PDE7B: variants seen among roughly 807,000 people sequenced by gnomAD.
The protein encoded by PDE7B is 3',5'-cyclic-AMP phosphodiesterase 7B.
Under a neutral mutation model 56.2 loss-of-function variants are expected in PDE7B, and 29 were observed. The observed-to-expected ratio is 0.52, with a 90% confidence interval of 0.38 to 0.70. The LOEUF is 0.70. PDE7B is among the 30% of genes least tolerant of loss of function. PDE7B has a pLI of 0.00. For synonymous variants in PDE7B, 197 were observed against 196.9 expected (o/e 1.00, Z 0.00); for missense variants, 490 against 565.0 (o/e 0.87, Z 1.35).
At chr6:136,082,289 G>A (rs976442037) in intron 2 of PDE7B, among the ~76,000 whole-genome samples, 11 of 152,128 alleles carry the variant, frequency 7.2e-5, no homozygotes, top group East Asian at 3.9e-4. Flanking sequence ...CATTGCTGTC[G>A]CTGTTGCTCC....
At chr6:135,928,503 A>ATATATATATTTATATAT (rs1562442949) in intron 1 of PDE7B, among the ~76,000 whole-genome samples, 6 of 102,816 alleles carry the variant, frequency 5.8e-5, no homozygotes, top group African/African-American at 2.2e-4. Context: ...ATATATATTT[A>ATATATATATTTATATAT]TATATATATA....
At chr6:136,095,964 A>G (rs1429690187) in intron 2 of PDE7B, 1 of 152,246 alleles carries the variant, frequency 6.6e-6, no homozygotes. Context: ...TAACATGGGT[A>G]TAATATAATC....
chr6:136,091,183 C>T (rs749451256), intron 2 of PDE7B, among the ~76,000 whole-genome samples: 24 of 152,170 alleles, frequency 1.6e-4, no homozygotes, highest in Non-Finnish European at 3.4e-4. Context: ...ACTAGGGAAA[C>T]TGTAAAAAAT....
chr6:136,152,446 A>C (rs1358460181), intron 6 of PDE7B, among the ~76,000 whole-genome samples: 2 of 152,122 alleles, frequency 1.3e-5, no homozygotes, highest in African/African-American at 2.4e-5. Context: ...TATTATCACC[A>C]TTTGTCCCAT....
intron 1 of PDE7B, among the ~76,000 whole-genome samples, chr6:135,928,437 A>ATATATATTTATTTATATATATATATT (rs1774227419): frequency 8.9e-6 from 1 of 112,916 alleles, no homozygotes; most frequent in Non-Finnish European, 1.8e-5. Flanking sequence ...GATTATATAT[A>ATATATATTTATTTATATATATATATT]TATATATATA....
chr6:136,177,216 A>G (rs1778992170), intron 9 of PDE7B, among the ~76,000 whole-genome samples: 1 of 152,082 alleles, frequency 6.6e-6, no homozygotes, highest in Admixed American at 6.6e-5. Flanking sequence ...TAATCCTAGC[A>G]CTTTGGGAGG....
At chr6:135,957,724 A>AG (rs1180990086) in intron 2 of PDE7B, among the ~76,000 whole-genome samples, 2 of 152,182 alleles carry the variant, frequency 1.3e-5, no homozygotes, top group African/African-American at 2.4e-5. Context: ...TGATGAAGGT[A>AG]GACAAAATGT....
At chr6:136,157,710 G>A (rs1029325367) in intron 8 of PDE7B, among the ~76,000 whole-genome samples, 1 of 152,156 alleles carries the variant, frequency 6.6e-6, no homozygotes, top group Non-Finnish European at 1.5e-5. Flanking sequence ...GCAGATAGTT[G>A]CAGCGGGAAA....
intron 1 of PDE7B, among the ~76,000 whole-genome samples, chr6:135,906,819 T>TTC (rs1776119037): frequency 1.4e-5 from 2 of 145,186 alleles, no homozygotes; most frequent in South Asian, 4.5e-4. Flanking sequence ...TGTTTTTTTT[T>TTC]TTTTTTTTTT....
intron 2 of PDE7B, among the ~76,000 whole-genome samples, chr6:136,099,978 A>G (rs991387795): frequency 2.6e-5 from 4 of 152,210 alleles, no homozygotes; most frequent in Admixed American, 6.5e-5. Flanking sequence ...ATCCAGTTTC[A>G]GCTTTCTACA....
intron 2 of PDE7B, among the ~76,000 whole-genome samples, chr6:135,981,271 G>C (rs1161554320): frequency 9.7e-5 from 12 of 123,808 alleles, no homozygotes; most frequent in African/African-American, 2.7e-4. Context: ...ACATCACACT[G>C]TGGGGACTGT....
At chr6:135,892,258 G>T (rs553045176) in intron 1 of PDE7B, among the ~76,000 whole-genome samples, 2 of 152,204 alleles carry the variant, frequency 1.3e-5, no homozygotes, top group Non-Finnish European at 2.9e-5. Flanking sequence ...CTTGCTGAGA[G>T]CAGCTTAATT....
At chr6:135,950,689 T>G (rs1323749706) in intron 2 of PDE7B, among the ~76,000 whole-genome samples, 1 of 152,074 alleles carries the variant, frequency 6.6e-6, no homozygotes, top group Non-Finnish European at 1.5e-5. Flanking sequence ...TGTGTACTGG[T>G]TTCAGCACAG....
At chr6:136,086,997 C>T (rs1583873575) in intron 2 of PDE7B, among the ~76,000 whole-genome samples, 1 of 152,072 alleles carries the variant, frequency 6.6e-6, no homozygotes, top group Non-Finnish European at 1.5e-5. Flanking sequence ...AGAAAAGGGC[C>T]CTTGTTGTTT....
intron 2 of PDE7B, among the ~76,000 whole-genome samples, chr6:135,970,860 G>A (rs1775083451): frequency 6.6e-6 from 1 of 152,128 alleles, no homozygotes; most frequent in African/African-American, 2.4e-5. Flanking sequence ...AGGTAGAGCT[G>A]ATAATATTTG....
At chr6:135,920,440 C>T in intron 1 of PDE7B, among the ~76,000 whole-genome samples, 1 of 152,090 alleles carries the variant, frequency 6.6e-6, no homozygotes, top group East Asian at 1.9e-4. Context: ...TTTTCAACAT[C>T]TAGGTATACA....
chr6:136,163,734 ATCTC>A (rs1443006823), intron 8 of PDE7B, among the ~76,000 whole-genome samples: 1 of 152,212 alleles, frequency 6.6e-6, no homozygotes. Flanking sequence ...ACCCTAAATC[ATCTC>A]TCTCAAGTTC....
intron 10 of PDE7B, 82 bp from the exon 11 acceptor site, chr6:136,181,145 T>C (rs2128451248): frequency 1.1e-6 from 1 of 935,292 alleles, no homozygotes; most frequent in Non-Finnish European, 1.8e-6. Context: ...ACTGAACAGC[T>C]TGATAGCCTC....
chr6:136,076,579 C>T (rs1254799590), intron 2 of PDE7B, among the ~76,000 whole-genome samples: 1 of 152,114 alleles, frequency 6.6e-6, no homozygotes, highest in Admixed American at 6.5e-5. Context: ...TGGGAGAATG[C>T]TCAAAATAAA....
Sources: allele counts gnomAD v4.1 joint callset (sites outside exome capture counted in the v4.1 genomes callset), GRCh38; gene constraint gnomAD v4.1.1; transcripts MANE v1.5; gene names NCBI Gene and HGNC (gene_info 2026-07-23, HGNC 2026-07-21).